MAN1A1: variants seen among roughly 807,000 people sequenced by gnomAD.
The protein encoded by MAN1A1 is mannosyl-oligosaccharide 1,2-alpha-mannosidase IA.
A neutral mutation model predicts 70.8 loss-of-function variants in MAN1A1; 29 were observed. The ratio of observed to expected loss-of-function variants is 0.41; its 90% CI spans 0.31 to 0.56. The LOEUF is 0.56. MAN1A1 is among the 20% of genes least tolerant of loss of function. The pLI is 0.29. For missense variants in MAN1A1, 747 were observed against 841.3 expected (o/e 0.89, Z 1.39); for synonymous variants, 349 against 330.1 (o/e 1.06, Z -0.62).
At chr6:119,189,483 G>C (rs572864109) in intron 10 of MAN1A1, among the ~76,000 whole-genome samples, 181 bp downstream of exon 10, 21 of 152,252 alleles carry the variant, frequency 1.4e-4, no homozygotes, top group African/African-American at 5.1e-4. Flanking sequence ...ACTAAAGGTA[G>C]ATATTTTTAG....
At chr6:119,259,652 A>G (rs1293238295) in intron 5 of MAN1A1, among the ~76,000 whole-genome samples, 1 of 152,146 alleles carries the variant, frequency 6.6e-6, no homozygotes, top group Non-Finnish European at 1.5e-5. Flanking sequence ...CTGACAGATG[A>G]GCATTTTAAA....
At chr6:119,281,643 A>G (rs1022249178) in intron 5 of MAN1A1, among the ~76,000 whole-genome samples, 8 of 152,218 alleles carry the variant, frequency 5.3e-5, no homozygotes, top group African/African-American at 1.9e-4. Context: ...ATCCACTGAG[A>G]TTTCAGGCTG....
intron 4 of MAN1A1, among the ~76,000 whole-genome samples, chr6:119,292,569 T>C (rs1772070387): frequency 6.6e-6 from 1 of 152,012 alleles, no homozygotes; most frequent in South Asian, 2.1e-4. Context: ...ATTTTATCCT[T>C]ACATGCTCTC....
chr6:119,332,665 A>T (rs955884007), intron 2 of MAN1A1, among the ~76,000 whole-genome samples: 4 of 151,934 alleles, frequency 2.6e-5, no homozygotes, highest in Non-Finnish European at 5.9e-5. Flanking sequence ...AAAAATACAA[A>T]AATTAGCTGG....
rs543221935 is a variant in MAN1A1 at position 119,270,768 on chromosome 6, G to A, written c.897+19915C>T. Among the ~76,000 whole-genome samples the A allele has an allele frequency of 1.3e-4, 20 of 152,160 alleles. No homozygotes were observed. The South Asian group carries it at 1.9e-3, about 14-fold the overall frequency. ...AATCTTTGTTTCTCATTCTCACCAC[G>A]GCTGCCAGAATATCCCTTGAGTTGG... is the stretch of plus-strand genomic sequence containing the variant. On this transcript the variant is annotated intron_variant, in intron 5 of 12. Transcript: ENST00000368468.
At chr6:119,346,563 C>T (rs938041111) in intron 2 of MAN1A1, among the ~76,000 whole-genome samples, 6 of 152,164 alleles carry the variant, frequency 3.9e-5, no homozygotes, top group Non-Finnish European at 5.9e-5. Flanking sequence ...CTCGTTTACA[C>T]GGTTAATTAA....
chr6:119,237,847 A>AT lies in MAN1A1; in HGVS notation c.992+10412dup, dbSNP rs35177840. Among the ~76,000 whole-genome samples, 229 of 152,232 alleles carry AT rather than the reference A, an allele frequency of 1.5e-3. 1 individual carries two copies. Among genetic ancestry groups the AT allele is most frequent in the Non-Finnish European group, 2.7e-3 (181 of 68,008 alleles). ...GACTAATGGCTGGGTAGCATGCTAC[A>AT]TTTTTTTTAAATAAAAAAAGATATG... On this transcript the variant is annotated intron_variant, in intron 6 of 12. Transcript: ENST00000368468.
intron 2 of MAN1A1, among the ~76,000 whole-genome samples, chr6:119,341,925 G>A (rs1376238791): frequency 2.6e-5 from 4 of 151,970 alleles, no homozygotes; most frequent in Non-Finnish European, 4.4e-5. Context: ...AAACCAGCCC[G>A]GGAAATATAG....
chr6:119,299,882 TCCA>T (rs1425224793), intron 4 of MAN1A1, among the ~76,000 whole-genome samples: 1 of 152,124 alleles, frequency 6.6e-6, no homozygotes, highest in Non-Finnish European at 1.5e-5. Flanking sequence ...CTCCTCATCC[TCCA>T]CCAACCCCAA....
intron 5 of MAN1A1, among the ~76,000 whole-genome samples, chr6:119,275,040 T>G (rs1020679632): frequency 9.2e-5 from 14 of 152,140 alleles, no homozygotes; most frequent in African/African-American, 3.4e-4. Flanking sequence ...GATTATGGTT[T>G]AGTTTTCATA....
At chr6:119,289,872 C>T (rs1404170249) in intron 5 of MAN1A1, among the ~76,000 whole-genome samples, 3 of 151,914 alleles carry the variant, frequency 2.0e-5, no homozygotes, top group East Asian at 3.8e-4. Flanking sequence ...TACTCTTTCC[C>T]CAGCCGGAAT....
chr6:119,215,209 A>G (rs1322807451), intron 6 of MAN1A1, among the ~76,000 whole-genome samples: 1 of 152,202 alleles, frequency 6.6e-6, no homozygotes, highest in Non-Finnish European at 1.5e-5. Context: ...AAAGAAAAAA[A>G]AAACAAAAAA....
chr6:119,290,724 C>A lies in MAN1A1; in HGVS notation c.856G>T (p.Val286Phe), dbSNP rs1380518622. 1 of 1,611,000 alleles carries A rather than the reference C, an allele frequency of 6.2e-7. No individual in the cohort carries two copies. The highest frequency in any genetic ancestry group is 1.7e-5 in the Admixed American group (1 of 59,772). ...ISVFEVNIRF[V>F]GGLLSAYYLS... is the part of the protein sequence containing the mutation. Reference sequence around the variant, plus strand: ...TAGTAGGCTGAGAGTAGTCCACCAACAAAGCGTATATTTACTTCAAAGACA... The same window carrying A: ...TAGTAGGCTGAGAGTAGTCCACCAAAAAAGCGTATATTTACTTCAAAGACA... Residue 286 changes from valine to phenylalanine, a missense_variant, in exon 5 of 13, where the codon GTT becomes TTT. Physicochemically the swap from Val to Phe is conservative, Grantham distance 50. Coordinates refer to ENST00000368468, the MANE Select transcript of MAN1A1 (RefSeq NM_005907.4).
At chr6:119,308,330 T>G (rs1183662703) in intron 2 of MAN1A1, among the ~76,000 whole-genome samples, 7 of 152,206 alleles carry the variant, frequency 4.6e-5, no homozygotes, top group Admixed American at 3.9e-4. Flanking sequence ...TGAATCAGAT[T>G]GTTGATCTTT....
chr6:119,278,343 T>TA (rs1179070664), intron 5 of MAN1A1, among the ~76,000 whole-genome samples: 1 of 152,206 alleles, frequency 6.6e-6, no homozygotes, highest in Non-Finnish European at 1.5e-5. Flanking sequence ...CTGCCAACTC[T>TA]AATTATCTGA....
intron 6 of MAN1A1, chr6:119,210,999 T>A (rs190913769): frequency 7.6e-4 from 319 of 418,408 alleles, no homozygotes; most frequent in African/African-American, 4.0e-3. Flanking sequence ...ATCATTTATA[T>A]CAAGATATTT....
rs370273743 is a variant in MAN1A1, at chr6:119,348,662, G to A, written c.404C>T (p.Ala135Val). Reference sequence around the variant, plus strand: ...GGGCAGCTTCTGCAGGGTCTCCTTGGCTTCCCTGAGAGCCCGCTCGTGGTT... The same window carrying A: ...GGGCAGCTTCTGCAGGGTCTCCTTGACTTCCCTGAGAGCCCGCTCGTGGTT... Reference protein sequence around the residue: ...RENHERALREAKETLQKLPEE... With the variant: ...RENHERALREVKETLQKLPEE... Residue 135 changes from alanine (A) to valine (V), a missense_variant, in exon 2 of 13, where the codon GCC becomes GTC. Physicochemically the swap from Ala to Val is moderately conservative, Grantham distance 64. Around this residue, in one of 2 missense-constraint regions of MAN1A1, gnomAD observed 328 missense variants for 293.1 expected, o/e 1.12. Transcript: ENST00000368468. 1.9e-5 allele frequency: 30 copies of A among 1,613,072 alleles called. No individual in the cohort carries two copies. Among genetic ancestry groups the A allele is most frequent in the Middle Eastern group, 1.7e-4 (1 of 5,998 alleles).
chr6:119,290,666 AC>A lies in MAN1A1; in HGVS notation c.897+16del, dbSNP rs766914446. On this transcript the variant is annotated intron_variant, in intron 5 of 12. Coordinates refer to ENST00000368468, the MANE Select transcript of MAN1A1 (RefSeq NM_005907.4). ...GACACTTTATAATTCACATTTATAT[AC>A]CACTTTTCATCTTACCTCTTCTCCA... 5 of 1,579,002 alleles carry A rather than the reference AC, an allele frequency of 3.2e-6. No individual in the cohort carries two copies. The African/African-American group carries it at 6.8e-5, about 21-fold the overall frequency.
In MAN1A1 at chr6:119,348,855, C is replaced by G. The variant is rs538710612; in HGVS notation, c.211G>C (p.Gly71Arg). Residue 71 changes from glycine to arginine, a missense_variant, in exon 2 of 13, where the codon GGG (glycine) becomes CGG (arginine). Coordinates refer to ENST00000368468, the MANE Select transcript of MAN1A1 (RefSeq NM_005907.4). ...FLPDSSKLLS[G>R]VLFHSSPALQ... Reference sequence around the variant, plus strand: ...GCGGGGCTGGAGTGGAACAGGACCCCGCTGAGCAGCTTGGAGGAGTCTGGC... The same window carrying G: ...GCGGGGCTGGAGTGGAACAGGACCCGGCTGAGCAGCTTGGAGGAGTCTGGC... 6 of 1,524,068 alleles carry G rather than the reference C, an allele frequency of 3.9e-6. No individual in the cohort carries two copies. Among genetic ancestry groups the G allele is most frequent in the South Asian group, 1.2e-5 (1 of 80,390 alleles). 94.4% of individuals were successfully genotyped at this position (1,524,068 alleles called of 1,614,324 possible). A position where few individuals can be genotyped will look rare whatever the true frequency, so the allele number is the denominator to read the frequency against.
Sources: allele counts gnomAD v4.1 joint callset (sites outside exome capture counted in the v4.1 genomes callset), GRCh38; gene constraint gnomAD v4.1.1; regional missense constraint gnomAD v4.1.1; transcripts MANE v1.5; gene names NCBI Gene and HGNC (gene_info 2026-07-23, HGNC 2026-07-21).